Variants in STAG1 observed in about 807,000 individuals in gnomAD.
STAG1 encodes the protein STAG1 cohesin complex component, also known as cohesin subunit SA-1.
STAG1 carries 26 observed loss-of-function variants against 170.9 expected under a neutral mutation model. The ratio of observed to expected loss-of-function variants is 0.15; its 90% confidence interval spans 0.11 to 0.21. The LOEUF is 0.21. STAG1 is among the 10% of genes least tolerant of loss of function. The pLI is 1.00. For missense variants in STAG1, 964 were observed against 1,509.5 expected (o/e 0.64, Z 5.99); for synonymous variants, 514 against 497.7 (o/e 1.03, Z -0.44).
intron 5 of STAG1, among the ~76,000 whole-genome samples, chr3:136,550,958 C>A (rs143387803): frequency 6.6e-6 from 1 of 152,102 alleles, no homozygotes; most frequent in Non-Finnish European, 1.5e-5. Flanking sequence ...AAGTCACTAT[C>A]GATATGACTA....
At chr3:136,616,599 G>A (rs1206112899) in intron 3 of STAG1, among the ~76,000 whole-genome samples, 1 of 152,056 alleles carries the variant, frequency 6.6e-6, no homozygotes, top group Non-Finnish European at 1.5e-5. Context: ...AATAAAAATA[G>A]AAAAAGTAGT....
rs2088368935 is a variant in STAG1, at chr3:136,433,480, G to C, written c.1650+76C>G. 4 of 1,048,816 alleles carry C rather than the reference G, an allele frequency of 3.8e-6. No homozygotes were observed. The Admixed American group carries it at 7.5e-5, about 20-fold the overall frequency. 65.0% of individuals were successfully genotyped at this position (1,048,816 alleles called of 1,614,324 possible). On this transcript the variant is annotated intron_variant, in intron 16 of 33. Transcript: ENST00000383202. ...CATGTTTTTAGGGATACAAATATCA[G>C]TAAAATTTCCAAATATTTAAGACAG...
At chr3:136,384,461 GAAAAAAA>G (rs1261653731) in intron 22 of STAG1, among the ~76,000 whole-genome samples, 7 of 103,556 alleles carry the variant, frequency 6.8e-5, no homozygotes, top group Non-Finnish European at 1.4e-4. Flanking sequence ...AAAAGAAGAA[GAAAAAAA>G]AAAAAAAAAG....
intron 4 of STAG1, among the ~76,000 whole-genome samples, chr3:136,601,575 G>A (rs1192858302): frequency 1.3e-5 from 2 of 152,166 alleles, no homozygotes; most frequent in East Asian, 3.8e-4. Context: ...AGCACTTTGG[G>A]AGGGTGAGGC....
intron 5 of STAG1, among the ~76,000 whole-genome samples, chr3:136,560,600 T>A (rs1324979807): frequency 1.3e-5 from 2 of 152,304 alleles, no homozygotes; most frequent in East Asian, 3.9e-4. Context: ...ACTGAATATA[T>A]CTATTACTAC....
chr3:136,684,245 A>G (rs931007437), intron 1 of STAG1, among the ~76,000 whole-genome samples: 6 of 152,224 alleles, frequency 3.9e-5, no homozygotes, highest in Non-Finnish European at 8.8e-5. Context: ...ATAACAGAAC[A>G]AAGTCGGAAA....
chr3:136,695,967 T>A (rs1392866785), intron 1 of STAG1, among the ~76,000 whole-genome samples: 1 of 151,986 alleles, frequency 6.6e-6, no homozygotes, highest in African/African-American at 2.4e-5. Flanking sequence ...CAGAAACACA[T>A]CTCTAAACAA....
rs1472044034 is a variant in STAG1 at position 136,344,053 on chromosome 3, C to G, written c.3272-47G>C. 3 of 1,433,514 alleles carry G rather than the reference C, an allele frequency of 2.1e-6. No homozygotes were observed. In the African/African-American group the frequency reaches 4.3e-5, roughly 21 times the overall value. The allele number at this position is 1,433,514 out of a possible 1,614,324, so 88.8% of individuals were successfully genotyped here. A position where few individuals can be genotyped will look rare whatever the true frequency, so the allele number is the denominator to read the frequency against. The stretch of plus-strand genomic sequence containing the variant: ...CACACAATGTCGTGGGTGGAGTGAA[C>G]TCTGGTAGCAGTCATAGCATAGACT... On this transcript the variant is annotated intron_variant, in intron 29 of 33. Transcript: ENST00000383202.
chr3:136,494,276 A>G (rs563918858), intron 9 of STAG1, among the ~76,000 whole-genome samples: 48 of 152,276 alleles, frequency 3.2e-4, no homozygotes, highest in Admixed American at 3.0e-3. Context: ...GTCTCAAGAA[A>G]ATAAATTAAT....
At chr3:136,565,011 A>AAGGAAGGAAGGAAGGAAGGC (rs1207671431) in intron 5 of STAG1, among the ~76,000 whole-genome samples, 29 of 45,438 alleles carry the variant, frequency 6.4e-4, no homozygotes, top group Non-Finnish European at 8.5e-4. Context: ...GGAAGGAAGG[A>AAGGAAGGAAGGAAGGAAGGC]AGGCAGGCAG....
intron 4 of STAG1, among the ~76,000 whole-genome samples, chr3:136,592,486 C>T (rs533309449): frequency 5.3e-5 from 8 of 152,308 alleles, no homozygotes; most frequent in African/African-American, 1.9e-4. Context: ...AATCTCTTTT[C>T]TTTATAAATT....
intron 29 of STAG1, among the ~76,000 whole-genome samples, chr3:136,344,762 C>T (rs1313493675): frequency 2.6e-5 from 4 of 151,378 alleles, no homozygotes; most frequent in Admixed American, 6.6e-5. Flanking sequence ...TACAGGTGCC[C>T]GCCACCACGC....
rs201027062 is a variant in STAG1, at chr3:136,479,054, ATCTT to A, written c.903-1646_903-1643del. Reference sequence around the variant, plus strand: ...CTTCCATTAAATGTTGGCTATTATAATCTTTCTTTTTTTTTTTTTTTTAATTTTT... The same window carrying A: ...CTTCCATTAAATGTTGGCTATTATAATCTTTTTTTTTTTTTTTTAATTTTT... On this transcript the variant is annotated intron_variant, in intron 9 of 33. Coordinates refer to ENST00000383202, the MANE Select transcript of STAG1 (RefSeq NM_005862.3). Among the ~76,000 whole-genome samples the A allele has an allele frequency of 8.2e-3, 1,021 of 124,766 alleles. 14 individuals are homozygous for A. The highest frequency in any genetic ancestry group is 0.033 in the African/African-American group (959 of 28,928). The allele number at this position is 124,766 out of a possible 152,430, so 81.9% of individuals were successfully genotyped here. A position where few individuals can be genotyped will look rare whatever the true frequency, so the allele number is the denominator to read the frequency against.
At chr3:136,370,721 T>C (rs1035072179) in intron 23 of STAG1, among the ~76,000 whole-genome samples, 4 of 152,234 alleles carry the variant, frequency 2.6e-5, no homozygotes, top group Non-Finnish European at 4.4e-5. Context: ...TAGTATTCCA[T>C]GGTGTATATG....
At chr3:136,624,825 C>T (rs1940026102) in intron 2 of STAG1, among the ~76,000 whole-genome samples, 1 of 152,142 alleles carries the variant, frequency 6.6e-6, no homozygotes, top group Non-Finnish European at 1.5e-5. Context: ...TGGGAAGTGA[C>T]AAACAGTAGT....
chr3:136,715,911 A>C (rs1394954799), intron 1 of STAG1, among the ~76,000 whole-genome samples: 2 of 151,824 alleles, frequency 1.3e-5, no homozygotes, highest in African/African-American at 2.4e-5. Flanking sequence ...CAGCCTGGCC[A>C]ACGTGGCAAA....
At chr3:136,687,671 A>G (rs1335472826) in intron 1 of STAG1, among the ~76,000 whole-genome samples, 2 of 152,116 alleles carry the variant, frequency 1.3e-5, no homozygotes, top group African/African-American at 4.8e-5. Flanking sequence ...CCCTTTGGCA[A>G]GAGACTGGGA....
intron 4 of STAG1, among the ~76,000 whole-genome samples, chr3:136,592,109 G>A (rs1385052924): frequency 3.3e-5 from 5 of 152,164 alleles, no homozygotes; most frequent in African/African-American, 4.8e-5. Flanking sequence ...GCCTTGGACC[G>A]AGAATTAAGT....
chr3:136,471,043 T>G (rs933387179), intron 12 of STAG1, among the ~76,000 whole-genome samples: 6 of 150,232 alleles, frequency 4.0e-5, no homozygotes, highest in Non-Finnish European at 5.9e-5. Flanking sequence ...AGTTAGTGAG[T>G]GCAGCACACC....
Sources: allele counts gnomAD v4.1 joint callset (sites outside exome capture counted in the v4.1 genomes callset), GRCh38; gene constraint gnomAD v4.1.1; transcripts MANE v1.5; gene names NCBI Gene and HGNC (gene_info 2026-07-23, HGNC 2026-07-21).